Variants in TRABD2B observed in about 807,000 individuals in gnomAD.
TRABD2B encodes TraB domain containing 2B, also known as metalloprotease TIKI2.
Under a neutral mutation model 40.1 loss-of-function variants are expected in TRABD2B, and 14 were observed. The ratio of observed to expected loss-of-function variants is 0.35; its 90% CI spans 0.23 to 0.55. TRABD2B has a LOEUF of 0.55. Ranked by LOEUF, TRABD2B falls within the 20% of genes least tolerant of loss-of-function variation. TRABD2B has a pLI of 0.90. For missense variants in TRABD2B, 541 were observed against 648.6 expected, an observed-to-expected ratio of 0.83 and a Z score of 1.80; for synonymous variants, 263 against 277.0, an observed-to-expected ratio of 0.95 and a Z score of 0.50.
At chr1:47,920,438 A>G (rs1644886871) in intron 2 of TRABD2B, among the ~76,000 whole-genome samples, 1 of 152,222 alleles carries the variant, frequency 6.6e-6, no homozygotes. Context: ...CTTTCCATCC[A>G]AAAGAGTATT....
intron 2 of TRABD2B, among the ~76,000 whole-genome samples, chr1:47,913,266 T>A (rs1644786801): frequency 6.6e-6 from 1 of 152,202 alleles, no homozygotes; most frequent in South Asian, 2.1e-4. Context: ...TCCTGAGCAC[T>A]CATGGGCACT....
intron 2 of TRABD2B, among the ~76,000 whole-genome samples, chr1:47,884,835 C>T (rs568231610): frequency 2.0e-5 from 3 of 152,124 alleles, no homozygotes; most frequent in South Asian, 4.2e-4. Context: ...AGGCTGGTCT[C>T]GAACTCCTGA....
intron 2 of TRABD2B, among the ~76,000 whole-genome samples, chr1:47,910,131 A>T (rs1424624916): frequency 1.3e-5 from 2 of 151,890 alleles, no homozygotes; most frequent in Non-Finnish European, 2.9e-5. Context: ...AAGTGCTGGG[A>T]TTGTACGTGT....
chr1:47,912,653 A>G (rs1267970515), intron 2 of TRABD2B, among the ~76,000 whole-genome samples: 5 of 152,198 alleles, frequency 3.3e-5, no homozygotes, highest in Non-Finnish European at 7.3e-5. Context: ...GATATTTACC[A>G]TATGCTGGGA....
intron 2 of TRABD2B, among the ~76,000 whole-genome samples, chr1:47,949,806 C>A (rs540457664): frequency 6.6e-6 from 1 of 152,170 alleles, no homozygotes; most frequent in Non-Finnish European, 1.5e-5. Flanking sequence ...GAAAAAGTCC[C>A]TGAAAATCAA....
chr1:47,967,336 AACACACACACACACACAC>A (rs56776440), intron 2 of TRABD2B, among the ~76,000 whole-genome samples: 9,354 of 147,354 alleles, frequency 0.063, 329 homozygotes, highest in East Asian at 0.11. Context: ...TAAGCAAGAA[AACACACACACACACACAC>A]ACACACACAC....
At chr1:47,964,687 G>T (rs1645572652) in intron 2 of TRABD2B, among the ~76,000 whole-genome samples, 1 of 152,070 alleles carries the variant, frequency 6.6e-6, no homozygotes. Context: ...AACAGCCTTG[G>T]GATTTCAACT....
chr1:47,897,775 C>T (rs1644544186), intron 2 of TRABD2B, among the ~76,000 whole-genome samples: 1 of 152,148 alleles, frequency 6.6e-6, no homozygotes, highest in Non-Finnish European at 1.5e-5. Flanking sequence ...CCCAATGGGC[C>T]AGACACTGCA....
chr1:47,794,116 A>G (rs1314839513), intron 4 of TRABD2B, among the ~76,000 whole-genome samples: 1 of 152,244 alleles, frequency 6.6e-6, no homozygotes, highest in Non-Finnish European at 1.5e-5. Flanking sequence ...GCCCATTTAT[A>G]TAAGAAAGAA....
intron 2 of TRABD2B, among the ~76,000 whole-genome samples, chr1:47,973,560 T>G (rs1020813434): frequency 2.0e-5 from 3 of 152,142 alleles, no homozygotes; most frequent in Non-Finnish European, 2.9e-5. Flanking sequence ...TTTCAGTGAA[T>G]GGCACCACCA....
intron 2 of TRABD2B, among the ~76,000 whole-genome samples, chr1:47,965,924 G>T: frequency 6.6e-6 from 1 of 152,062 alleles, no homozygotes. Flanking sequence ...CCGTCAAGAA[G>T]AATATTTTGC....
chr1:47,793,906 C>G (rs1644709510), intron 4 of TRABD2B, among the ~76,000 whole-genome samples: 1 of 152,134 alleles, frequency 6.6e-6, no homozygotes, highest in African/African-American at 2.4e-5. Flanking sequence ...CCAGGTCCCC[C>G]AGAAGCAAGC....
intron 2 of TRABD2B, among the ~76,000 whole-genome samples, chr1:47,892,920 G>T (rs1330692550): frequency 6.6e-6 from 1 of 152,200 alleles, no homozygotes; most frequent in Admixed American, 6.5e-5. Context: ...GACATGCAAA[G>T]CTTTTAAAAT....
intron 4 of TRABD2B, among the ~76,000 whole-genome samples, chr1:47,793,063 G>C (rs1051935732): frequency 6.6e-6 from 1 of 152,084 alleles, no homozygotes; most frequent in Non-Finnish European, 1.5e-5. Flanking sequence ...CCTGCGGCTG[G>C]AGAGTGGCTT....
At chr1:47,795,626 G>A in intron 3 of TRABD2B, 1 of 982,148 alleles carries the variant, frequency 1.0e-6, no homozygotes, top group Non-Finnish European at 1.2e-6. Context: ...ATGATATTGT[G>A]GGGATTCAAT....
chr1:47,890,347 G>A (rs1644427886), intron 2 of TRABD2B, among the ~76,000 whole-genome samples: 2 of 152,306 alleles, frequency 1.3e-5, no homozygotes, highest in East Asian at 1.9e-4. Flanking sequence ...GCCATGACCA[G>A]CGTGGTCATG....
At chr1:47,910,026 A>C (rs1395609059) in intron 2 of TRABD2B, among the ~76,000 whole-genome samples, 1 of 150,558 alleles carries the variant, frequency 6.6e-6, no homozygotes, top group Admixed American at 6.6e-5. Context: ...CGCCTGGCTG[A>C]TTTTTGTATT....
intron 2 of TRABD2B, among the ~76,000 whole-genome samples, chr1:47,917,074 C>T (rs1481210046): frequency 6.6e-6 from 1 of 152,222 alleles, no homozygotes; most frequent in Non-Finnish European, 1.5e-5. Flanking sequence ...GTCAGAGACG[C>T]ATCCAGACCC....
intron 3 of TRABD2B, chr1:47,795,552 G>A (rs7554917): frequency 0.37 from 233,955 of 626,836 alleles, 44,613 homozygotes; most frequent in Non-Finnish European, 0.4. Flanking sequence ...CTGATGCTGC[G>A]TGGCACCGGG....
Sources: gnomAD v4.1 joint callset for allele counts (sites outside exome capture counted in the v4.1 genomes callset) on GRCh38, gnomAD v4.1.1 for gene constraint, MANE v1.5 for transcripts, NCBI Gene and HGNC (gene_info 2026-07-23, HGNC 2026-07-21) for gene names.